The following MKLN1 variants were observed in gnomAD, a reference collection of about 807,000 sequenced individuals.
MKLN1 encodes the protein muskelin 1.
Under a neutral mutation model 99.0 loss-of-function variants are expected in MKLN1, and 18 were observed. The observed-to-expected ratio is 0.18, with a 90% confidence interval of 0.13 to 0.27. The LOEUF is 0.27. Ranked by LOEUF, MKLN1 falls within the 10% of genes least tolerant of loss-of-function variation. The pLI is 1.00. For synonymous variants in MKLN1, 288 were observed against 293.2 expected, an observed-to-expected ratio of 0.98 and a Z score of 0.18; for missense variants, 621 against 875.9, an observed-to-expected ratio of 0.71 and a Z score of 3.67.
At chr7:131,243,707 T>C (rs913695989) in intron 3 of MKLN1, among the ~76,000 whole-genome samples, 3 of 152,122 alleles carry the variant, frequency 2.0e-5, no homozygotes, top group African/African-American at 7.2e-5. Flanking sequence ...TAGTCATATA[T>C]TTAAATTTTT....
At chr7:131,250,564 G>A (rs1222725125) in intron 3 of MKLN1, among the ~76,000 whole-genome samples, 1 of 152,180 alleles carries the variant, frequency 6.6e-6, no homozygotes, top group African/African-American at 2.4e-5. Context: ...GTGAGTAGGA[G>A]GGCTGATCCA....
intron 1 of MKLN1, among the ~76,000 whole-genome samples, chr7:131,126,105 G>C (rs554747400): frequency 6.6e-5 from 10 of 151,618 alleles, no homozygotes; most frequent in African/African-American, 2.2e-4. Context: ...GATCAATCTG[G>C]TTGTTCTGGA....
rs545528365 is a variant in MKLN1 at position 131,465,257 on chromosome 7, A to G, written c.1788+849A>G. 2.0e-5 allele frequency among the ~76,000 whole-genome samples: 3 copies of G among 152,238 alleles called. No homozygotes were observed. In the South Asian group the frequency reaches 6.2e-4, roughly 32 times the overall value. ...GTAATTAAAATATTTAAATATTTAAATGCTTTTGTATACATACAGAAAAAC... is the reference window on the plus strand; with the variant it reads ...GTAATTAAAATATTTAAATATTTAAGTGCTTTTGTATACATACAGAAAAAC... On this transcript the variant is annotated intron_variant, in intron 14 of 17. Transcript: ENST00000352689.
intron 8 of MKLN1, among the ~76,000 whole-genome samples, chr7:131,428,505 A>C (rs772632204): frequency 9.2e-5 from 14 of 152,192 alleles, no homozygotes; most frequent in Non-Finnish European, 2.1e-4. Context: ...AATAGAGAGA[A>C]ATTGCCTTTA....
chr7:131,320,069 A>T (rs538608754), intron 3 of MKLN1, among the ~76,000 whole-genome samples: 1 of 152,308 alleles, frequency 6.6e-6, no homozygotes, highest in South Asian at 2.1e-4. Flanking sequence ...GCAGAATTAT[A>T]AAAAACTACT....
At chr7:131,241,092 C>T (rs1797394796) in intron 3 of MKLN1, among the ~76,000 whole-genome samples, 1 of 152,110 alleles carries the variant, frequency 6.6e-6, no homozygotes, top group Non-Finnish European at 1.5e-5. Context: ...GAGCAAGTGT[C>T]ATAAAGTACT....
intron 2 of MKLN1, among the ~76,000 whole-genome samples, chr7:131,196,432 G>A (rs953704740): frequency 6.6e-6 from 1 of 152,216 alleles, no homozygotes; most frequent in Admixed American, 6.5e-5. Context: ...AAGGAAAAAA[G>A]GCTGAACAAC....
chr7:131,397,874 C>T (rs1794403889), intron 5 of MKLN1, among the ~76,000 whole-genome samples: 1 of 152,062 alleles, frequency 6.6e-6, no homozygotes, highest in Admixed American at 6.6e-5. Flanking sequence ...TTAAAAAATA[C>T]TGCTGTTTAA....
chr7:131,142,989 T>A (rs2116263407), intron 2 of MKLN1: 1 of 1,226,882 alleles, frequency 8.2e-7, no homozygotes, highest in Middle Eastern at 2.2e-4. Context: ...GTCAAAAAAG[T>A]ACTGTACCTA....
At chr7:131,410,847 A>G (rs1373093366) in intron 6 of MKLN1, among the ~76,000 whole-genome samples, 3 of 152,106 alleles carry the variant, frequency 2.0e-5, no homozygotes, top group Admixed American at 6.5e-5. Flanking sequence ...TCTTTTTTCA[A>G]TGAAGTAGAA....
chr7:131,381,100 C>T (rs1793833883), intron 2 of MKLN1, among the ~76,000 whole-genome samples: 1 of 152,128 alleles, frequency 6.6e-6, no homozygotes. Flanking sequence ...GCCAACAGTA[C>T]TATAACTCAT....
At chr7:131,479,264 A>C (rs2116678634) in intron 17 of MKLN1, among the ~76,000 whole-genome samples, 1 of 152,248 alleles carries the variant, frequency 6.6e-6, no homozygotes, top group East Asian at 1.9e-4. Context: ...GGCCGGGCAC[A>C]GTGGCTCACA....
chr7:131,421,745 A>G (rs1426762857), intron 8 of MKLN1, among the ~76,000 whole-genome samples: 1 of 152,294 alleles, frequency 6.6e-6, no homozygotes, highest in South Asian at 2.1e-4. Context: ...ACAAAATTTC[A>G]CTATGGAAAT....
intron 3 of MKLN1, among the ~76,000 whole-genome samples, chr7:131,265,029 C>T (rs1470175146): frequency 6.6e-6 from 1 of 152,026 alleles, no homozygotes; most frequent in East Asian, 1.9e-4. Flanking sequence ...TTAGTAGAGA[C>T]GGGGTTTCAC....
At chr7:131,214,228 T>C (rs977375738) in intron 3 of MKLN1, among the ~76,000 whole-genome samples, 7 of 152,198 alleles carry the variant, frequency 4.6e-5, no homozygotes, top group Non-Finnish European at 1.0e-4. Context: ...CAAGTATTCA[T>C]GGGTCCTCTG....
intron 2 of MKLN1, among the ~76,000 whole-genome samples, chr7:131,376,292 G>A (rs867141842): frequency 4.0e-5 from 6 of 149,472 alleles, no homozygotes; most frequent in Middle Eastern, 3.4e-3. Flanking sequence ...AGGAGGCGAG[G>A]CTAGGCGTTC....
intron 2 of MKLN1, among the ~76,000 whole-genome samples, chr7:131,160,098 C>T (rs1040094454): frequency 1.3e-5 from 2 of 152,180 alleles, no homozygotes; most frequent in Non-Finnish European, 2.9e-5. Flanking sequence ...ACCACAGACC[C>T]TGGCAACCAC....
chr7:131,464,283 A>G lies in MKLN1; in HGVS notation c.1674-11A>G, dbSNP rs1418296201. On this transcript the variant is annotated splice_polypyrimidine_tract_variant and intron_variant, in intron 13 of 17. Transcript: ENST00000352689. Reference sequence around the variant, plus strand: ...AATTCTCTAGAATGCCTTAAAAGCAATGTCTTGCAGGTCTTGTGTCTATAA... The same window carrying G: ...AATTCTCTAGAATGCCTTAAAAGCAGTGTCTTGCAGGTCTTGTGTCTATAA... The G allele has an allele frequency of 2.6e-6, 4 of 1,535,096 alleles. No homozygotes were observed. The highest frequency in any genetic ancestry group is 4.5e-5 in the East Asian group (2 of 44,124).
At chr7:131,149,025 G>A (rs12534306) in intron 2 of MKLN1, among the ~76,000 whole-genome samples, 19,081 of 152,126 alleles carry the variant, frequency 0.13, 1,262 homozygotes, top group African/African-American at 0.15. Context: ...TCAGTCGCAG[G>A]CTCGGATTTC....
Sources: gnomAD v4.1 joint callset for allele counts (sites outside exome capture counted in the v4.1 genomes callset) on GRCh38, gnomAD v4.1.1 for gene constraint, MANE v1.5 for transcripts, NCBI Gene and HGNC (gene_info 2026-07-23, HGNC 2026-07-21) for gene names.